Variants in NRXN3 observed in about 807,000 individuals in gnomAD.
NRXN3 encodes neurexin III.
In NRXN3, 32 loss-of-function variants were observed where a neutral mutation model predicts 137.6. The ratio of observed to expected loss-of-function variants is 0.23; its 90% confidence interval spans 0.18 to 0.31. The LOEUF (loss-of-function observed/expected upper bound fraction) is 0.31. Ranked by LOEUF, NRXN3 falls within the 10% of genes least tolerant of loss-of-function variation. The pLI is 1.00. For synonymous variants in NRXN3, 798 were observed against 784.5 expected (o/e 1.02, Z -0.29); for missense variants, 1,574 against 2,062.5 (o/e 0.76, Z 4.59).
intron 20 of NRXN3, among the ~76,000 whole-genome samples, chr14:79,830,694 T>C (rs978143683): frequency 1.6e-4 from 25 of 152,192 alleles, no homozygotes; most frequent in Non-Finnish European, 3.4e-4. Context: ...ACGTGTTCAT[T>C]TTTCAAATAG....
chr14:79,805,920 T>C (rs2099202973), intron 20 of NRXN3, among the ~76,000 whole-genome samples: 1 of 151,958 alleles, frequency 6.6e-6, no homozygotes, highest in Admixed American at 6.6e-5. Context: ...CCAGATACAT[T>C]TTGATGTTTT....
intron 8 of NRXN3, among the ~76,000 whole-genome samples, chr14:78,741,345 T>G (rs1398794881): frequency 6.6e-6 from 1 of 152,124 alleles, no homozygotes; most frequent in African/African-American, 2.4e-5. Flanking sequence ...TTCAGCTCAA[T>G]GGAAAGGCAT....
At chr14:78,846,167 G>A (rs1421777845) in intron 10 of NRXN3, among the ~76,000 whole-genome samples, 1 of 151,892 alleles carries the variant, frequency 6.6e-6, no homozygotes, top group Non-Finnish European at 1.5e-5. Flanking sequence ...CATCCAAAAT[G>A]GCAAAAAGAA....
chr14:78,266,927 C>A (rs1460468168), intron 2 of NRXN3, among the ~76,000 whole-genome samples: 1 of 152,054 alleles, frequency 6.6e-6, no homozygotes, highest in Non-Finnish European at 1.5e-5. Context: ...CTGGGGTTCC[C>A]CAGGTCACTA....
intron 20 of NRXN3, among the ~76,000 whole-genome samples, chr14:79,850,741 A>C (rs1384737769): frequency 6.6e-6 from 1 of 151,256 alleles, no homozygotes; most frequent in Non-Finnish European, 1.5e-5. Context: ...TAGTGTAGAT[A>C]GCTAATGAAA....
chr14:78,430,288 T>C (rs770230841), intron 4 of NRXN3, among the ~76,000 whole-genome samples: 14 of 152,346 alleles, frequency 9.2e-5, no homozygotes, highest in Non-Finnish European at 1.8e-4. Context: ...TGTTCTCAAC[T>C]TTAAAATCAC....
At chr14:78,736,986 T>C (rs11626726) in intron 8 of NRXN3, among the ~76,000 whole-genome samples, 39,807 of 152,078 alleles carry the variant, frequency 0.26, 5,987 homozygotes, top group African/African-American at 0.41. Context: ...AACTGTTAAG[T>C]TAATTTGCTT....
chr14:79,752,734 A>C (rs1454015452), intron 19 of NRXN3, among the ~76,000 whole-genome samples: 1 of 152,080 alleles, frequency 6.6e-6, no homozygotes, highest in Non-Finnish European at 1.5e-5. Flanking sequence ...TAATTAAACT[A>C]AAGAGCTTCT....
intron 15 of NRXN3, among the ~76,000 whole-genome samples, chr14:79,227,951 C>A (rs2071375982): frequency 1.3e-5 from 2 of 151,750 alleles, no homozygotes; most frequent in South Asian, 4.2e-4. Flanking sequence ...CCAGTGACAT[C>A]TTTCCCCAAA....
rs770739293 is a variant in NRXN3 at position 78,436,769 on chromosome 14, A to T, written c.757+138909A>T. On this transcript the variant is annotated intron_variant, in intron 4 of 20. Transcript: ENST00000335750. ...ATCTATAACCCCCTGCTGCCTTTCAAATTGGGGAGTGTCAAGTTGATTCTG... is the reference window on the plus strand; with the variant it reads ...ATCTATAACCCCCTGCTGCCTTTCATATTGGGGAGTGTCAAGTTGATTCTG... Among the ~76,000 whole-genome samples, 4 of 152,188 alleles carry T rather than the reference A, an allele frequency of 2.6e-5. No individual in the cohort carries two copies. In the South Asian group the frequency reaches 8.3e-4, roughly 32 times the overall value.
At chr14:79,388,894 C>G (rs185670779) in intron 15 of NRXN3, among the ~76,000 whole-genome samples, 317 of 152,258 alleles carry the variant, frequency 2.1e-3, no homozygotes, top group Admixed American at 7.3e-3. Flanking sequence ...GTAAGTCTCA[C>G]GAGATCTGGC....
chr14:79,353,403 T>C (rs1420128241), intron 15 of NRXN3, among the ~76,000 whole-genome samples: 1 of 152,226 alleles, frequency 6.6e-6, no homozygotes, highest in East Asian at 1.9e-4. Context: ...CTTGCCTTCC[T>C]TTTCTCCCCC....
intron 15 of NRXN3, among the ~76,000 whole-genome samples, chr14:79,197,430 C>G (rs879457039): frequency 1.3e-5 from 2 of 152,102 alleles, no homozygotes; most frequent in African/African-American, 4.8e-5. Flanking sequence ...CTGCTTACCC[C>G]GAACAAGAGT....
chr14:78,831,706 T>G (rs1470193043), intron 10 of NRXN3, among the ~76,000 whole-genome samples: 1 of 152,136 alleles, frequency 6.6e-6, no homozygotes, highest in South Asian at 2.1e-4. Flanking sequence ...TCTTTTGCTT[T>G]AGTAATAGCA....
chr14:79,482,681 G>A (rs1483189106), intron 16 of NRXN3, among the ~76,000 whole-genome samples: 1 of 151,782 alleles, frequency 6.6e-6, no homozygotes, highest in African/African-American at 2.4e-5. Flanking sequence ...ACTAACCTGG[G>A]GGGGAGAAAA....
intron 4 of NRXN3, among the ~76,000 whole-genome samples, chr14:78,495,012 TG>T (rs771260116): frequency 5.7e-4 from 87 of 151,786 alleles, no homozygotes; most frequent in Non-Finnish European, 9.9e-4. Context: ...GTTTGCCTAG[TG>T]GGCTTCTTTT....
intron 4 of NRXN3, among the ~76,000 whole-genome samples, chr14:78,609,991 A>C (rs936407371): frequency 1.3e-5 from 2 of 151,878 alleles, no homozygotes; most frequent in Non-Finnish European, 2.9e-5. Flanking sequence ...TCTACTATGT[A>C]ACAGAATGTG....
chr14:78,859,579 C>A (rs1332492928), intron 10 of NRXN3, among the ~76,000 whole-genome samples: 1 of 152,100 alleles, frequency 6.6e-6, no homozygotes, highest in African/African-American at 2.4e-5. Context: ...TTTGCCCCCA[C>A]ACTTTGTAGC....
intron 15 of NRXN3, among the ~76,000 whole-genome samples, chr14:79,131,953 T>C (rs542632861): frequency 3.9e-5 from 6 of 152,400 alleles, no homozygotes; most frequent in African/African-American, 1.4e-4. Context: ...AGGTGCTGTC[T>C]GTCACCCCTT....
Sources: allele counts gnomAD v4.1 joint callset (sites outside exome capture counted in the v4.1 genomes callset), GRCh38; gene constraint gnomAD v4.1.1; transcripts MANE v1.5; gene names NCBI Gene and HGNC (gene_info 2026-07-23, HGNC 2026-07-21).